The following ABAT variants were observed in gnomAD, a reference collection of about 807,000 sequenced individuals.
ABAT encodes 4-aminobutyrate aminotransferase, mitochondrial.
In ABAT, 45 loss-of-function variants were observed where a neutral mutation model predicts 64.6. The observed-to-expected ratio is 0.70, with a 90% CI of 0.55 to 0.89. ABAT has a LOEUF of 0.89. Ranked by LOEUF, ABAT falls within the 40% of genes least tolerant of loss-of-function variation. The pLI, the probability that ABAT is intolerant of heterozygous loss-of-function variation, is 0.00. For missense variants in ABAT, 633 were observed against 658.4 expected, an observed-to-expected ratio of 0.96 and a Z score of 0.42; for synonymous variants, 297 against 250.5, an observed-to-expected ratio of 1.19 and a Z score of -1.75.
intron 1 of ABAT, among the ~76,000 whole-genome samples, chr16:8,695,672 G>A (rs941530359): frequency 1.2e-4 from 18 of 152,258 alleles, no homozygotes; most frequent in Middle Eastern, 3.4e-3. Flanking sequence ...AGGGCCTTTC[G>A]GCTTTCTTTG....
chr16:8,697,642 G>GTT (rs60084940), intron 1 of ABAT, among the ~76,000 whole-genome samples: 250 of 149,008 alleles, frequency 1.7e-3, no homozygotes, highest in African/African-American at 4.3e-3. Flanking sequence ...TTGTTTTTTG[G>GTT]TTTTTTTTTT....
intron 9 of ABAT, among the ~76,000 whole-genome samples, chr16:8,767,829 C>A (rs565092825): frequency 1.3e-5 from 2 of 152,134 alleles, no homozygotes; most frequent in Admixed American, 6.5e-5. Context: ...GCCCCCACCA[C>A]CATGCCTGTC....
At chr16:8,707,196 T>C (rs765837956) in intron 1 of ABAT, among the ~76,000 whole-genome samples, 20 of 151,986 alleles carry the variant, frequency 1.3e-4, no homozygotes, top group Admixed American at 6.6e-4. Context: ...CTTTTTTTGT[T>C]GTTTTTTTGA....
rs1182574273 is a variant in ABAT, at chr16:8,743,423, T to TTATATATATA, written c.71-2565_71-2556dup. Among the ~76,000 whole-genome samples the TTATATATATA allele has an allele frequency of 1.9e-3, 84 of 45,266 alleles. 1 individual carries two copies. The highest frequency in any genetic ancestry group is 6.9e-3 in the East Asian group (11 of 1,588). The allele number at this position is 45,266 out of a possible 152,430, so 29.7% of individuals were successfully genotyped here. A position where few individuals can be genotyped will look rare whatever the true frequency, so the allele number is the denominator to read the frequency against. On this transcript the variant is annotated intron_variant, in intron 2 of 15. Coordinates refer to ENST00000268251, the MANE Select transcript of ABAT (RefSeq NM_020686.6). ...GTCCCCTCTTGTGTAATGGAAACAGTTATATATATATATATATATATACAC... is the reference window on the plus strand; with the variant it reads ...GTCCCCTCTTGTGTAATGGAAACAGTTATATATATATATATATATATATATATATATACAC...
intron 1 of ABAT, among the ~76,000 whole-genome samples, chr16:8,733,263 C>T (rs1212891138): frequency 6.6e-6 from 1 of 151,470 alleles, no homozygotes; most frequent in East Asian, 1.9e-4. Context: ...TCCTCACTTC[C>T]TAGATGTGAT....
chr16:8,696,903 G>T (rs2142002153), intron 1 of ABAT, among the ~76,000 whole-genome samples: 1 of 152,218 alleles, frequency 6.6e-6, no homozygotes, highest in East Asian at 1.9e-4. Context: ...TGGAAAACTG[G>T]CTTGCTGCTC....
rs76550902 is a variant in ABAT at position 8,765,970 on chromosome 16, C to G, written c.541-238C>G. 3.7e-3 allele frequency: 1,752 copies of G among 469,522 alleles called. 58 individuals are homozygous for G. The East Asian group carries it at 0.062, about 16-fold the overall frequency. The allele number at this position is 469,522 out of a possible 1,614,324, so 29.1% of individuals were successfully genotyped here. A position where few individuals can be genotyped will look rare whatever the true frequency, so the allele number is the denominator to read the frequency against. ...TGCAACGCTCTCAGCAGATCTTAAT[C>G]CAACAGATCTTAATCGTTGCTGATG... On this transcript the variant is annotated intron_variant, in intron 8 of 15. Coordinates refer to ENST00000268251, the MANE Select transcript of ABAT (RefSeq NM_020686.6).
intron 1 of ABAT, among the ~76,000 whole-genome samples, chr16:8,687,225 G>C (rs1484004109): frequency 6.6e-6 from 1 of 152,116 alleles, no homozygotes; most frequent in Non-Finnish European, 1.5e-5. Flanking sequence ...GCTAGTCTTG[G>C]GTCCCGCTCT....
chr16:8,731,926 T>C (rs1431151846), intron 1 of ABAT, among the ~76,000 whole-genome samples: 1 of 152,072 alleles, frequency 6.6e-6, no homozygotes, highest in Non-Finnish European at 1.5e-5. Flanking sequence ...CGATCTCAGC[T>C]CACTGTAACC....
At chr16:8,738,530 A>G (rs946272630) in intron 2 of ABAT, 4 of 439,306 alleles carry the variant, frequency 9.1e-6, no homozygotes, top group South Asian at 6.6e-5. Flanking sequence ...TCTTTTCCTT[A>G]TTCTTCTCGA....
chr16:8,743,226 C>T (rs2059215917), intron 2 of ABAT, among the ~76,000 whole-genome samples: 1 of 150,512 alleles, frequency 6.6e-6, no homozygotes, highest in African/African-American at 2.5e-5. Flanking sequence ...CTTTGATAAC[C>T]AAAGCAATTA....
chr16:8,747,412 T>C (rs1052035334), intron 3 of ABAT, among the ~76,000 whole-genome samples: 1 of 152,214 alleles, frequency 6.6e-6, no homozygotes. Context: ...TTATTTTGGA[T>C]AGTGTTTTGC....
At chr16:8,691,792 G>A (rs947556659) in intron 1 of ABAT, among the ~76,000 whole-genome samples, 11 of 152,150 alleles carry the variant, frequency 7.2e-5, no homozygotes, top group Admixed American at 6.5e-4. Flanking sequence ...TACAACTGGT[G>A]GGGGAATGAA....
At chr16:8,704,533 G>A (rs748087400) in intron 1 of ABAT, among the ~76,000 whole-genome samples, 3 of 152,154 alleles carry the variant, frequency 2.0e-5, no homozygotes, top group African/African-American at 4.8e-5. Context: ...ACAAATAGAC[G>A]GCCATGCCAT....
intron 1 of ABAT, among the ~76,000 whole-genome samples, chr16:8,684,534 C>T (rs2057408536): frequency 6.6e-6 from 1 of 151,992 alleles, no homozygotes; most frequent in Non-Finnish European, 1.5e-5. Flanking sequence ...ATAGCAAGAC[C>T]CCTCAAGACC....
chr16:8,698,710 C>T (rs1365916060), intron 1 of ABAT, among the ~76,000 whole-genome samples: 1 of 152,086 alleles, frequency 6.6e-6, no homozygotes, highest in East Asian at 1.9e-4. Context: ...TTTGGGAGGC[C>T]AAGGTGGGCA....
At position 8,735,774 on chromosome 16, in the gene ABAT, G is replaced by A; in HGVS notation, c.35G>A (p.Cys12Tyr). 6.2e-7 allele frequency: 1 copy of A among 1,607,708 alleles called. No homozygotes were observed. The highest frequency in any genetic ancestry group is 8.5e-7 in the Non-Finnish European group (1 of 1,177,428). ...ASMLLAQRLA[C>Y]SFQHSYRLLV... ...ATGTTGCTCGCCCAGCGCCTGGCCT[G>A]CAGCTTCCAGCACAGCTACCGCCTG... Residue 12 changes from cysteine to tyrosine, a missense_variant, in exon 2 of 16, where the codon TGC becomes TAC. Transcript: ENST00000268251.
At chr16:8,720,328 C>T (rs575652659) in intron 1 of ABAT, among the ~76,000 whole-genome samples, 1 of 152,238 alleles carries the variant, frequency 6.6e-6, no homozygotes, top group Non-Finnish European at 1.5e-5. Flanking sequence ...CCCAGCCACA[C>T]TTTAGACCCA....
At chr16:8,778,404 A>G (rs1006548027) in intron 14 of ABAT, among the ~76,000 whole-genome samples, 39 of 151,862 alleles carry the variant, frequency 2.6e-4, no homozygotes, top group African/African-American at 9.2e-4. Context: ...TGGAGGCTTC[A>G]CTCTGCTTCT....
Sources: allele counts gnomAD v4.1 joint callset (sites outside exome capture counted in the v4.1 genomes callset), GRCh38; gene constraint gnomAD v4.1.1; transcripts MANE v1.5; gene names NCBI Gene and HGNC (gene_info 2026-07-23, HGNC 2026-07-21).